ERN1: variants seen among roughly 807,000 people sequenced by gnomAD.
ERN1 encodes serine/threonine-protein kinase/endoribonuclease IRE1.
A neutral mutation model predicts 113.1 loss-of-function variants in ERN1; 39 were observed. The ratio of observed to expected loss-of-function variants is 0.34; its 90% CI spans 0.27 to 0.45. The LOEUF (loss-of-function observed/expected upper bound fraction) is 0.45, where lower values mean the gene tolerates loss of function less well. ERN1 is among the 20% of genes least tolerant of loss of function. The pLI is 1.00. For synonymous variants in ERN1, 507 were observed against 515.9 expected (o/e 0.98, Z 0.23); for missense variants, 976 against 1,274.8 (o/e 0.77, Z 3.57).
In ERN1 at chr17:64,052,842, C is replaced by T; in HGVS notation, c.2191G>A (p.Val731Met). The T allele has an allele frequency of 6.2e-7, 1 of 1,614,046 alleles. No individual in the cohort carries two copies. The change falls in exon 17 of 22, where the codon GTG becomes ATG. Residue 731 changes from valine (V) to methionine (M), a missense_variant. Physicochemically the swap from Val to Met is conservative, Grantham distance 21. This residue lies in a region of ERN1 where 297 missense variants were observed against 457.8 expected (regional missense o/e 0.65). Coordinates refer to ENST00000433197, the MANE Select transcript of ERN1 (RefSeq NM_001433.5). ...GRHSFSRRSG[V>M]PGTEGWIAPE... is the part of the protein sequence containing the mutation. ...GCGATCCAGCCTTCTGTGCCAGGCA[C>T]CCCAGATCGGCGGCTGAAACTGTGT...
At chr17:64,073,586 G>C (rs1913497740) in intron 5 of ERN1, among the ~76,000 whole-genome samples, 2 of 152,000 alleles carry the variant, frequency 1.3e-5, no homozygotes, top group Admixed American at 1.3e-4. Flanking sequence ...CCGCCTCCAG[G>C]GTTCAAGCGA....
chr17:64,063,887 C>T lies in ERN1; in HGVS notation c.1087+99G>A. On this transcript the variant is annotated intron_variant, in intron 10 of 21. Transcript: ENST00000433197. The surrounding 1 kb of genome is among the most constrained non-coding windows in gnomAD (Gnocchi z 5.1). ...GCCGGGAAGGGCTCTGAGCACAAGG[C>T]CTTCCGAGCTCAGTACGGTGTAACT... is the stretch of plus-strand genomic sequence containing the variant. 8.7e-7 allele frequency: 1 copy of T among 1,143,930 alleles called. No homozygotes were observed. The highest frequency in any genetic ancestry group is 1.3e-6 in the Non-Finnish European group (1 of 793,878). The allele number at this position is 1,143,930 out of a possible 1,614,324, so 70.9% of individuals were successfully genotyped here. A position where few individuals can be genotyped will look rare whatever the true frequency, so the allele number is the denominator to read the frequency against.
At chr17:64,120,022 G>T (rs185977419) in intron 1 of ERN1, among the ~76,000 whole-genome samples, 2 of 152,226 alleles carry the variant, frequency 1.3e-5, no homozygotes, top group East Asian at 3.9e-4. Flanking sequence ...CTCCCAAAGT[G>T]CTGGGATTAC....
Position 64,045,316 on chromosome 17 carries a change from C to A in ERN1, c.2653+43G>T, listed in dbSNP as rs745530104. 35 of 1,611,824 alleles carry A rather than the reference C, an allele frequency of 2.2e-5. No individual in the cohort carries two copies. The Admixed American group carries it at 5.7e-4, about 26-fold the overall frequency. On this transcript the variant is annotated intron_variant, in intron 20 of 21. Transcript: ENST00000433197. ...CGTTTACTTTTTGGAAAGGCGGCAG[C>A]GACTTTTGCAACCTGCCCTCTCACA...
intron 2 of ERN1, among the ~76,000 whole-genome samples, chr17:64,083,877 C>T (rs930617853): frequency 1.1e-4 from 17 of 152,166 alleles, no homozygotes; most frequent in African/African-American, 2.7e-4. Flanking sequence ...ACAAAACAGA[C>T]GTCCACATCT....
rs1260432454 is a variant in ERN1, at chr17:64,065,241, G to A, written c.889C>T (p.Pro297Ser). The change falls in exon 9 of 22, where the codon CCC becomes TCC. Residue 297 changes from proline (P) to serine (S), a missense_variant. Physicochemically the swap from Pro to Ser is moderately conservative, Grantham distance 74. Around this residue, in one of 5 missense-constraint regions of ERN1, gnomAD observed 459 missense variants for 581.2 expected, o/e 0.79. Transcript: ENST00000433197. The part of the protein sequence containing the change: ...GKYSTSLYAS[P>S]SMVHEGVAVV... ...GCAACCCCCTCGTGTACCATTGAGG[G>A]AGAGGCATAGAGGCTGGTAGAGTAT... 1 of 1,609,534 alleles carries A rather than the reference G, an allele frequency of 6.2e-7. No homozygotes were observed. Among genetic ancestry groups the A allele is most frequent in the Non-Finnish European group, 8.5e-7 (1 of 1,177,958 alleles).
intron 6 of ERN1, among the ~76,000 whole-genome samples, chr17:64,070,702 T>C (rs1015630971): frequency 1.3e-5 from 2 of 152,220 alleles, no homozygotes; most frequent in African/African-American, 4.8e-5. Context: ...TGCCTGAAAG[T>C]TTAGACCTAA....
intron 1 of ERN1, among the ~76,000 whole-genome samples, chr17:64,126,956 A>C (rs1406212633): frequency 6.6e-6 from 1 of 152,156 alleles, no homozygotes; most frequent in East Asian, 1.9e-4. Context: ...CATTGTACTG[A>C]TCTCTTTGGT....
Position 64,043,704 on chromosome 17 carries a change from C to T in ERN1, c.*284G>A. ...TGAAGCAAGTTTATCCAGTAGATGG[C>T]TGGGGGTGCTACTCGCGCTGTCTCT... On this transcript the variant is annotated 3_prime_UTR_variant, in exon 22 of 22. Coordinates refer to ENST00000433197, the MANE Select transcript of ERN1 (RefSeq NM_001433.5). 2.9e-6 allele frequency: 1 copy of T among 341,666 alleles called. No homozygotes were observed. The allele number at this position is 341,666 out of a possible 1,614,324, so 21.2% of individuals were successfully genotyped here.
At chr17:64,094,786 T>C (rs1914186129) in intron 2 of ERN1, among the ~76,000 whole-genome samples, 1 of 152,108 alleles carries the variant, frequency 6.6e-6, no homozygotes, top group Non-Finnish European at 1.5e-5. Context: ...GTACTGCCCA[T>C]TCCATGTCCC....
chr17:64,056,619 G>A lies in ERN1; in HGVS notation c.1399-671C>T, dbSNP rs1027733142. Reference sequence around the variant, plus strand: ...TTCTGTCATTATCTGAAGTAGCAGCGATCTGTGATCATCCCTACCCATGTG... The same window carrying A: ...TTCTGTCATTATCTGAAGTAGCAGCAATCTGTGATCATCCCTACCCATGTG... On this transcript the variant is annotated intron_variant, in intron 12 of 21. Transcript: ENST00000433197. Among the ~76,000 whole-genome samples the A allele has an allele frequency of 5.9e-5, 9 of 152,174 alleles. No homozygotes were observed. The East Asian group carries it at 1.5e-3, about 26-fold the overall frequency.
rs1914539096 is a variant in ERN1 at position 64,106,731 on chromosome 17, C to CACACAT, written c.55-8491_55-8490insATGTGT. Among the ~76,000 whole-genome samples the CACACAT allele has an allele frequency of 1.8e-4, 25 of 142,244 alleles. No homozygotes were observed. The South Asian group carries it at 5.3e-3, about 30-fold the overall frequency. The allele number at this position is 142,244 out of a possible 152,430, so 93.3% of individuals were successfully genotyped here. Reference sequence around the variant, plus strand: ...AGGGTTTCTTACACACACACACACACACACACACACACACACACACACACA... The same window carrying CACACAT: ...AGGGTTTCTTACACACACACACACACACACATACACACACACACACACACACACACA... On this transcript the variant is annotated intron_variant, in intron 1 of 21. Coordinates refer to ENST00000433197, the MANE Select transcript of ERN1 (RefSeq NM_001433.5).
chr17:64,055,516 G>A (rs779820866), intron 13 of ERN1, among the ~76,000 whole-genome samples, 159 bp downstream of exon 13: 6 of 152,196 alleles, frequency 3.9e-5, no homozygotes, highest in African/African-American at 7.2e-5. Context: ...CAAGGGATGG[G>A]GCAGAAGCCT....
intron 1 of ERN1, among the ~76,000 whole-genome samples, chr17:64,103,547 T>C (rs1914444455): frequency 6.7e-6 from 1 of 149,676 alleles, no homozygotes; most frequent in Non-Finnish European, 1.5e-5. Flanking sequence ...AGCTTCCCCA[T>C]TCATAAAATC....
rs1912613709 is a variant in ERN1 at position 64,049,418 on chromosome 17, T to C, written c.2254-216A>G. On this transcript the variant is annotated intron_variant, in intron 17 of 21. Transcript: ENST00000433197. This position sits in a 1 kb window ranked among gnomAD's most constrained non-coding sequence, Gnocchi z 4.7. ...TGGAGAACCTGGGCTTGGAGCCACC[T>C]GGAAGCCCCTGGTTCCCTCTCATGT... Among the ~76,000 whole-genome samples the C allele has an allele frequency of 6.6e-6, 1 of 152,230 alleles. No homozygotes were observed. Among genetic ancestry groups the C allele is most frequent in the Admixed American group, 6.5e-5 (1 of 15,294 alleles).
chr17:64,098,293 G>T, intron 1 of ERN1, 52 bp from the exon 2 acceptor site: 1 of 1,610,398 alleles, frequency 6.2e-7, no homozygotes, highest in African/African-American at 1.3e-5. Flanking sequence ...TTCACCTTGG[G>T]CATGTACAAT....
intron 1 of ERN1, among the ~76,000 whole-genome samples, chr17:64,127,031 T>C (rs1237596585): frequency 6.6e-6 from 1 of 152,174 alleles, no homozygotes; most frequent in East Asian, 1.9e-4. Context: ...GATGTAACCC[T>C]AACCAACTCT....
At chr17:64,075,317 C>T in intron 4 of ERN1, 70 bp from the exon 5 acceptor site, 2 of 1,323,726 alleles carry the variant, frequency 1.5e-6, no homozygotes, top group Non-Finnish European at 2.0e-6. Context: ...TTTTACCAGG[C>T]AGTTTGTTTC....
intron 12 of ERN1, among the ~76,000 whole-genome samples, chr17:64,056,999 C>T (rs954612461): frequency 7.9e-5 from 12 of 152,314 alleles, no homozygotes; most frequent in Middle Eastern, 3.4e-3. Flanking sequence ...ATGCCCCTCA[C>T]ATATTTCATC....
Sources: gnomAD v4.1 joint callset for allele counts (sites outside exome capture counted in the v4.1 genomes callset) on GRCh38, gnomAD v4.1.1 for gene constraint, gnomAD v4.1.1 regional missense constraint, Gnocchi (gnomAD v3.1) non-coding constraint, MANE v1.5 for transcripts, NCBI Gene and HGNC (gene_info 2026-07-23, HGNC 2026-07-21) for gene names.